The following SAXO1 variants were observed in gnomAD, a reference collection of about 807,000 sequenced individuals.
SAXO1 encodes the protein 4930500O09Rik.
A neutral mutation model predicts 17.5 loss-of-function variants in SAXO1; 21 were observed. The ratio of observed to expected loss-of-function variants is 1.20; its 90% CI spans 0.85 to 1.72. The LOEUF is 1.72. Ranked by LOEUF, SAXO1 falls within the 40% of genes most tolerant of loss-of-function variation. The probability of loss-of-function intolerance (pLI) is 0.00; values close to 1 mark genes in which losing one functional copy is unlikely to be tolerated. For missense variants in SAXO1, 843 were observed against 596.0 expected, an observed-to-expected ratio of 1.41 and a Z score of -4.32; for synonymous variants, 274 against 216.5, an observed-to-expected ratio of 1.27 and a Z score of -2.33.
intron 1 of SAXO1, among the ~76,000 whole-genome samples, chr9:18,958,691 C>T (rs748890992): frequency 3.9e-5 from 6 of 151,942 alleles, no homozygotes; most frequent in East Asian, 1.9e-4. Context: ...CCAGCCAAAA[C>T]GCTGGGTTAG....
At chr9:19,010,476 AG>A (rs1216831986) in intron 1 of SAXO1, among the ~76,000 whole-genome samples, 1 of 149,060 alleles carries the variant, frequency 6.7e-6, no homozygotes, top group Non-Finnish European at 1.5e-5. Context: ...CCATATTTCT[AG>A]GAAAAAAAAA....
At chr9:18,974,562 G>A (rs1480990454) in intron 1 of SAXO1, among the ~76,000 whole-genome samples, 1 of 152,176 alleles carries the variant, frequency 6.6e-6, no homozygotes, top group Non-Finnish European at 1.5e-5. Context: ...ATGCTGAATG[G>A]ATAATGGACA....
At chr9:18,938,821 C>CGTGCGTGTGTGTGT (rs759584592) in intron 3 of SAXO1, among the ~76,000 whole-genome samples, 2 of 78,510 alleles carry the variant, frequency 2.5e-5, no homozygotes, top group African/African-American at 9.3e-5. Context: ...TGCGTGCGTG[C>CGTGCGTGTGTGTGT]GTGTGTGTGT....
intron 1 of SAXO1, among the ~76,000 whole-genome samples, chr9:18,968,598 G>T (rs199735987): frequency 3.5e-5 from 5 of 144,086 alleles, no homozygotes; most frequent in East Asian, 2.0e-4. Context: ...CCCCCTTTTT[G>T]TTTTTTTTTT....
At chr9:18,964,641 C>A (rs1832641226) in intron 1 of SAXO1, among the ~76,000 whole-genome samples, 1 of 151,918 alleles carries the variant, frequency 6.6e-6, no homozygotes, top group Non-Finnish European at 1.5e-5. Flanking sequence ...CTATTTGATT[C>A]TTCTCTCTTT....
At chr9:19,027,184 A>C in intron 1 of SAXO1, 1 of 1,198,228 alleles carries the variant, frequency 8.3e-7, no homozygotes, top group Admixed American at 1.7e-5. Context: ...ATTGACCTGG[A>C]CTCCCAGAGG....
At chr9:19,007,240 G>A (rs1834520800) in intron 1 of SAXO1, among the ~76,000 whole-genome samples, 1 of 151,770 alleles carries the variant, frequency 6.6e-6, no homozygotes, top group Admixed American at 6.6e-5. Context: ...CCAGCTACTC[G>A]GGAGGCTGAG....
intron 3 of SAXO1, among the ~76,000 whole-genome samples, chr9:18,935,463 T>C (rs377454708): frequency 6.6e-5 from 10 of 152,206 alleles, no homozygotes; most frequent in African/African-American, 2.2e-4. Context: ...GATAAGTTGA[T>C]AGATGGGCTC....
chr9:18,997,970 C>T (rs1834081371), intron 1 of SAXO1, among the ~76,000 whole-genome samples: 1 of 152,178 alleles, frequency 6.6e-6, no homozygotes, highest in African/African-American at 2.4e-5. Flanking sequence ...AGGTCACCAA[C>T]ATCAAAGACC....
intron 1 of SAXO1, among the ~76,000 whole-genome samples, chr9:19,039,295 T>C (rs557956868): frequency 2.4e-4 from 36 of 152,336 alleles, no homozygotes; most frequent in African/African-American, 8.7e-4. Flanking sequence ...GCTGCTTTAT[T>C]TAATGCGCTG....
chr9:18,935,300 A>G (rs867939818), intron 3 of SAXO1, among the ~76,000 whole-genome samples: 24 of 152,208 alleles, frequency 1.6e-4, no homozygotes, highest in Admixed American at 1.2e-3. Context: ...CCAGTAAGGC[A>G]TTCACACTTT....
Position 18,928,284 on chromosome 9 carries a change from C to T in SAXO1, c.1193G>A (p.Gly398Glu). The T allele has an allele frequency of 1.2e-6, 2 of 1,612,526 alleles. No individual in the cohort carries two copies. Among genetic ancestry groups the T allele is most frequent in the Non-Finnish European group, 8.5e-7 (1 of 1,178,906 alleles). Reference sequence around the variant, plus strand: ...GGTCTGGCTTTCCACAGGGACATTTCCTCGAGGGCCAGACCAATGAGGCTT... The same window carrying T: ...GGTCTGGCTTTCCACAGGGACATTTTCTCGAGGGCCAGACCAATGAGGCTT... ...SCKPHWSGPR[G>E]NVPVESQTTY... Residue 398 changes from glycine (G) to glutamate (E), a missense_variant, in exon 4 of 4, where the codon GGA (glycine) becomes GAA (glutamate). Gly to Glu is a moderately conservative substitution (Grantham distance 98, BLOSUM62 -2). Coordinates refer to ENST00000380534, the MANE Select transcript of SAXO1 (RefSeq NM_153707.4).
intron 1 of SAXO1, among the ~76,000 whole-genome samples, chr9:18,979,858 T>A (rs1278364139): frequency 6.6e-6 from 1 of 151,588 alleles, no homozygotes; most frequent in Non-Finnish European, 1.5e-5. Flanking sequence ...TTAAAAAGAG[T>A]CTAGAAGTGG....
At chr9:18,929,445 T>A (rs545391930) in intron 3 of SAXO1, among the ~76,000 whole-genome samples, 19 of 152,318 alleles carry the variant, frequency 1.2e-4, no homozygotes, top group African/African-American at 4.3e-4. Flanking sequence ...AGAAGATGCA[T>A]GTGATGTAGT....
intron 1 of SAXO1, among the ~76,000 whole-genome samples, chr9:18,991,247 C>T (rs979616343): frequency 2.0e-5 from 3 of 152,094 alleles, no homozygotes; most frequent in South Asian, 2.1e-4. Flanking sequence ...GGTGACAGAG[C>T]GAGACTCACA....
intron 3 of SAXO1, among the ~76,000 whole-genome samples, chr9:18,933,920 C>T (rs948948131): frequency 2.0e-5 from 3 of 152,214 alleles, no homozygotes; most frequent in Non-Finnish European, 4.4e-5. Flanking sequence ...GTGGCGGGCG[C>T]CTGTAGTCCC....
chr9:18,970,483 CT>C (rs1832907784), intron 1 of SAXO1, among the ~76,000 whole-genome samples: 1 of 152,192 alleles, frequency 6.6e-6, no homozygotes, highest in East Asian at 1.9e-4. Context: ...CTCCTGTCCT[CT>C]CCTAGCTTCA....
At chr9:18,995,895 C>T (rs1024098089) in intron 1 of SAXO1, among the ~76,000 whole-genome samples, 6 of 151,900 alleles carry the variant, frequency 3.9e-5, no homozygotes, top group African/African-American at 1.2e-4. Context: ...GCCTGGCCAA[C>T]GTGGTGAAAC....
intron 1 of SAXO1, among the ~76,000 whole-genome samples, chr9:19,008,096 TAGCTGGG>T (rs1834560982): frequency 6.6e-6 from 1 of 152,132 alleles, no homozygotes; most frequent in South Asian, 2.1e-4. Flanking sequence ...GCCTCCCAAG[TAGCTGGG>T]AGCTGGGACT....
Sources: gnomAD v4.1 joint callset for allele counts (sites outside exome capture counted in the v4.1 genomes callset) on GRCh38, gnomAD v4.1.1 for gene constraint, MANE v1.5 for transcripts, NCBI Gene and HGNC (gene_info 2026-07-23, HGNC 2026-07-21) for gene names.